The following PRKN variants were observed in gnomAD, a reference collection of about 807,000 sequenced individuals.
The protein encoded by PRKN is E3 ubiquitin-protein ligase parkin.
In PRKN, 56 loss-of-function variants were observed where a neutral mutation model predicts 59.5. The ratio of observed to expected loss-of-function variants is 0.94; its 90% CI spans 0.76 to 1.18. The LOEUF is 1.18. Among genes scored for constraint, PRKN ranks in the 50% most tolerant of loss-of-function variants. The probability of loss-of-function intolerance (pLI) is 0.00; values close to 1 mark genes in which losing one functional copy is unlikely to be tolerated. For missense variants in PRKN, 657 were observed against 596.4 expected (o/e 1.10, Z -1.06); for synonymous variants, 250 against 222.1 (o/e 1.13, Z -1.12).
intron 2 of PRKN, among the ~76,000 whole-genome samples, chr6:162,435,996 G>T (rs1361092873): frequency 6.6e-6 from 1 of 151,444 alleles, no homozygotes; most frequent in Non-Finnish European, 1.5e-5. Flanking sequence ...ATAGTCAATA[G>T]AAAAAGCAAT....
chr6:162,457,035 C>G (rs774300680), intron 1 of PRKN, among the ~76,000 whole-genome samples: 2 of 152,124 alleles, frequency 1.3e-5, no homozygotes, highest in Non-Finnish European at 2.9e-5. Context: ...AAAGTTGAAA[C>G]AAGAAAGCAG....
chr6:162,213,337 T>C (rs1389511731), intron 3 of PRKN, among the ~76,000 whole-genome samples: 1 of 152,112 alleles, frequency 6.6e-6, no homozygotes, highest in East Asian at 1.9e-4. Context: ...CTTTAACAGT[T>C]TTCAAATCCT....
chr6:161,824,159 G>A (rs1043390371), intron 6 of PRKN, among the ~76,000 whole-genome samples: 4 of 152,178 alleles, frequency 2.6e-5, no homozygotes, highest in South Asian at 2.1e-4. Context: ...CCAACGCCAC[G>A]AAGTAGGGAA....
chr6:161,623,909 G>C (rs1782997670), intron 7 of PRKN, among the ~76,000 whole-genome samples: 1 of 152,158 alleles, frequency 6.6e-6, no homozygotes. Flanking sequence ...TATTGAACTG[G>C]CTAATTTAAT....
chr6:162,629,245 C>T (rs61253773), intron 1 of PRKN, among the ~76,000 whole-genome samples: 3,065 of 152,148 alleles, frequency 0.02, 107 homozygotes, highest in African/African-American at 0.069. Context: ...AGTTTCAATG[C>T]TGAGTTAATT....
intron 7 of PRKN, among the ~76,000 whole-genome samples, chr6:161,671,016 T>G (rs904303030): frequency 1.3e-5 from 2 of 152,068 alleles, no homozygotes; most frequent in African/African-American, 4.8e-5. Flanking sequence ...AAATGAAGTG[T>G]TTTTTCGTGT....
chr6:162,063,706 G>T (rs575504704), intron 4 of PRKN, among the ~76,000 whole-genome samples: 1 of 151,902 alleles, frequency 6.6e-6, no homozygotes, highest in Non-Finnish European at 1.5e-5. Flanking sequence ...CACCACACCC[G>T]GCTAATTTTT....
intron 4 of PRKN, among the ~76,000 whole-genome samples, chr6:162,184,431 C>A (rs1783932473): frequency 6.6e-6 from 1 of 152,180 alleles, no homozygotes; most frequent in African/African-American, 2.4e-5. Context: ...TGGGAGGTAA[C>A]TGAATCATGT....
At chr6:161,866,442 G>A (rs556886030) in intron 6 of PRKN, among the ~76,000 whole-genome samples, 51 of 152,236 alleles carry the variant, frequency 3.4e-4, no homozygotes, top group Non-Finnish European at 6.3e-4. Flanking sequence ...GGGCGTGGTG[G>A]CGCATGCCTG....
At chr6:161,380,426 C>CTTTTTTTTTT (rs977152868) in intron 10 of PRKN, among the ~76,000 whole-genome samples, 2 of 117,962 alleles carry the variant, frequency 1.7e-5, no homozygotes, top group Non-Finnish European at 1.7e-5. Context: ...CCAAGTCTAT[C>CTTTTTTTTTT]TTTTTTTTTT....
intron 6 of PRKN, among the ~76,000 whole-genome samples, chr6:161,818,769 CCAA>C (rs1432671868): frequency 6.6e-6 from 1 of 152,072 alleles, no homozygotes; most frequent in African/African-American, 2.4e-5. Flanking sequence ...CAAGAGATCT[CCAA>C]CAACAAGGGC....
chr6:162,078,832 T>C (rs1467641780), intron 4 of PRKN, among the ~76,000 whole-genome samples: 13 of 151,784 alleles, frequency 8.6e-5, no homozygotes, highest in African/African-American at 3.2e-4. Context: ...ATGAAAAGAA[T>C]AGGGTTACTA....
chr6:162,440,187 T>C (rs1789986967), intron 2 of PRKN, among the ~76,000 whole-genome samples: 1 of 152,124 alleles, frequency 6.6e-6, no homozygotes, highest in Non-Finnish European at 1.5e-5. Flanking sequence ...AACAGATGAG[T>C]GTGTAATGAA....
At chr6:162,499,009 A>G (rs1793233340) in intron 1 of PRKN, among the ~76,000 whole-genome samples, 1 of 152,174 alleles carries the variant, frequency 6.6e-6, no homozygotes, top group Non-Finnish European at 1.5e-5. Flanking sequence ...TGTTGCTGCC[A>G]AAGAGAAATT....
At chr6:161,703,196 T>C (rs192912714) in intron 7 of PRKN, among the ~76,000 whole-genome samples, 174 of 152,174 alleles carry the variant, frequency 1.1e-3, no homozygotes, top group Middle Eastern at 6.8e-3. Context: ...TCTAGTTACA[T>C]GGGAGGCTGA....
At chr6:162,268,246 G>A (rs1168237924) in intron 2 of PRKN, among the ~76,000 whole-genome samples, 1 of 152,132 alleles carries the variant, frequency 6.6e-6, no homozygotes, top group African/African-American at 2.4e-5. Context: ...CAATGTGATT[G>A]CATGAAGAGG....
intron 6 of PRKN, among the ~76,000 whole-genome samples, chr6:161,887,518 A>AT (rs1251407886): frequency 6.6e-6 from 1 of 152,188 alleles, no homozygotes; most frequent in Non-Finnish European, 1.5e-5. Context: ...AGAGTTACTC[A>AT]TTTTTCCTTT....
intron 9 of PRKN, among the ~76,000 whole-genome samples, chr6:161,492,389 C>A (rs925639327): frequency 1.3e-5 from 2 of 152,214 alleles, no homozygotes; most frequent in Admixed American, 1.3e-4. Flanking sequence ...GTAAAAGTTT[C>A]TTTTATGTTC....
chr6:161,723,857 A>G (rs1187585454), intron 7 of PRKN, among the ~76,000 whole-genome samples: 2 of 152,190 alleles, frequency 1.3e-5, no homozygotes, highest in African/African-American at 4.8e-5. Flanking sequence ...CTGGTTCAGC[A>G]GACCTGTTCT....
Sources: allele counts gnomAD v4.1 joint callset (sites outside exome capture counted in the v4.1 genomes callset), GRCh38; gene constraint gnomAD v4.1.1; transcripts MANE v1.5; gene names NCBI Gene and HGNC (gene_info 2026-07-23, HGNC 2026-07-21).